The following SERTAD4 variants were observed in gnomAD, a reference collection of about 807,000 sequenced individuals.
SERTAD4 encodes the protein SERTA domain-containing protein 4.
Under a neutral mutation model 32.9 loss-of-function variants are expected in SERTAD4, and 18 were observed. That is an observed-to-expected ratio of 0.55 (90% CI 0.38 to 0.81). The LOEUF (loss-of-function observed/expected upper bound fraction) is 0.81. Ranked by LOEUF, SERTAD4 falls within the 30% of genes least tolerant of loss-of-function variation. SERTAD4 has a pLI of 0.00. For synonymous variants in SERTAD4, 150 were observed against 156.4 expected, an observed-to-expected ratio of 0.96 and a Z score of 0.30; for missense variants, 383 against 426.0, an observed-to-expected ratio of 0.90 and a Z score of 0.89.
chr1:210,238,477 G>A (rs2083965327), intron 2 of SERTAD4, among the ~76,000 whole-genome samples: 1 of 152,218 alleles, frequency 6.6e-6, no homozygotes, highest in East Asian at 1.9e-4. Context: ...TCACAACTAT[G>A]AAAGCTCTGG....
chr1:210,240,691 C>T (rs963100341), intron 3 of SERTAD4, among the ~76,000 whole-genome samples: 1 of 152,216 alleles, frequency 6.6e-6, no homozygotes, highest in Non-Finnish European at 1.5e-5. Context: ...CAGTGTCACA[C>T]AGCTCAGGAG....
chr1:210,242,581 T>C lies in SERTAD4; in HGVS notation c.*244T>C. 2.5e-6 allele frequency: 3 copies of C among 1,222,942 alleles called. No individual in the cohort carries two copies. Among genetic ancestry groups the C allele is most frequent in the Non-Finnish European group, 2.0e-6 (2 of 982,988 alleles). The allele number at this position is 1,222,942 out of a possible 1,614,324, so 75.8% of individuals were successfully genotyped here. A position where few individuals can be genotyped will look rare whatever the true frequency, so the allele number is the denominator to read the frequency against. Reference sequence around the variant, plus strand: ...TGACTTAATGCTTAAAAGTATATCATAGTTTTCTTACGGAAAAGATCAGTA... The same window carrying C: ...TGACTTAATGCTTAAAAGTATATCACAGTTTTCTTACGGAAAAGATCAGTA... On this transcript the variant is annotated 3_prime_UTR_variant, in exon 4 of 4. Transcript: ENST00000367012. This position sits in a 1 kb window ranked among gnomAD's most constrained non-coding sequence, Gnocchi z 4.0.
rs145855776 is a variant in SERTAD4, at chr1:210,241,560, C to T, written c.294C>T (p.Thr98=). The part of the protein sequence containing the change: ...HPPLSSCSHK[T]ISIFEERAHI... ...TTTTTTTTTTTTTTGGTTTGTAGAC[C>T]ATCTCAATTTTTGAGGAACGAGCCC... is the stretch of plus-strand genomic sequence containing the variant. The change falls in exon 4 of 4, where the codon ACC becomes ACT. Residue 98 remains threonine (T), a splice_region_variant and synonymous_variant. Coordinates refer to ENST00000367012, the MANE Select transcript of SERTAD4 (RefSeq NM_019605.5). 129 of 1,505,066 alleles carry T rather than the reference C, an allele frequency of 8.6e-5. 1 individual carries two copies. Among genetic ancestry groups the T allele is most frequent in the Non-Finnish European group, 1.0e-4 (116 of 1,129,914 alleles). The allele number at this position is 1,505,066 out of a possible 1,614,324, so 93.2% of individuals were successfully genotyped here.
chr1:210,243,110 AAAAAAC>A lies in SERTAD4; in HGVS notation c.*774_*779del. The A allele has an allele frequency of 1.0e-6, 1 of 968,566 alleles. No homozygotes were observed. Among genetic ancestry groups the A allele is most frequent in the Non-Finnish European group, 1.2e-6 (1 of 816,528 alleles). 60.0% of individuals were successfully genotyped at this position (968,566 alleles called of 1,614,324 possible). Reference sequence around the variant, plus strand: ...AAACAGGACAAAAAAAAAAAAAAAAAAAAAACCACAGGGTGGATCAATATGGTTTGG... The same window carrying A: ...AAACAGGACAAAAAAAAAAAAAAAAACACAGGGTGGATCAATATGGTTTGG... On this transcript the variant is annotated 3_prime_UTR_variant, in exon 4 of 4. Transcript: ENST00000367012.
chr1:210,246,558 G>T, downstream of SERTAD4: 2 of 985,036 alleles, frequency 2.0e-6, no homozygotes, highest in Non-Finnish European at 2.4e-6. Flanking sequence ...TCCTGTTTCT[G>T]CATTTCCCTT....
intron 1 of SERTAD4, chr1:210,237,545 G>C (rs1012550020): frequency 5.2e-5 from 9 of 172,894 alleles, no homozygotes; most frequent in African/African-American, 1.9e-4. Flanking sequence ...CCGGGGGATT[G>C]ACTAGAAAAT....
At chr1:210,246,470 C>G (rs2084049837), downstream of SERTAD4, 4 of 627,480 alleles carry the variant, frequency 6.4e-6, no homozygotes, top group African/African-American at 2.0e-5. Context: ...GTTATGAACA[C>G]TTGAATCTCG....
intron 1 of SERTAD4, chr1:210,237,579 G>A (rs2083953451): frequency 5.7e-6 from 1 of 174,974 alleles, no homozygotes; most frequent in Non-Finnish European, 1.2e-5. Flanking sequence ...TTAATAGAAA[G>A]GAAGCGCAAG....
Position 210,239,602 on chromosome 1 carries a change from C to A in SERTAD4, c.285C>A (p.Ser95Arg), listed in dbSNP as rs375683993. 1.2e-5 allele frequency: 18 copies of A among 1,561,968 alleles called. No homozygotes were observed. Among genetic ancestry groups the A allele is most frequent in the Non-Finnish European group, 1.5e-5 (17 of 1,139,200 alleles). ...TTCACCCACCACTCAGCAGCTGTAGCCATAAAGTATGTTTTTTTAATAGTC... is the reference window on the plus strand; with the variant it reads ...TTCACCCACCACTCAGCAGCTGTAGACATAAAGTATGTTTTTTTAATAGTC... ...EDFHPPLSSCSHKTISIFEER... is the reference protein window; with the variant it reads ...EDFHPPLSSCRHKTISIFEER... Residue 95 changes from serine to arginine, a missense_variant, in exon 3 of 4, where the codon AGC (serine) becomes AGA (arginine). Transcript: ENST00000367012.
At chr1:210,233,464 T>G (rs1169391131) in intron 1 of SERTAD4, among the ~76,000 whole-genome samples, 1 of 152,134 alleles carries the variant, frequency 6.6e-6, no homozygotes, top group African/African-American at 2.4e-5. Flanking sequence ...CCGCGGCGCT[T>G]GGCAGGTGGG....
At chr1:210,233,687 C>T (rs1302296364) in intron 1 of SERTAD4, 1 of 470,622 alleles carries the variant, frequency 2.1e-6, no homozygotes, top group African/African-American at 2.0e-5. Flanking sequence ...CCGCCTCTCG[C>T]TTCCCTTCCT....
Position 210,243,703 on chromosome 1 carries a change from C to G in SERTAD4, c.*1366C>G, listed in dbSNP as rs1482210202. ...CCATCCTTCCTTCCACTCCAGCCAACTCTTCCTGCTAAACTGTATTCCAGT... is the reference window on the plus strand; with the variant it reads ...CCATCCTTCCTTCCACTCCAGCCAAGTCTTCCTGCTAAACTGTATTCCAGT... On this transcript the variant is annotated 3_prime_UTR_variant, in exon 4 of 4. Coordinates refer to ENST00000367012, the MANE Select transcript of SERTAD4 (RefSeq NM_019605.5). The G allele has an allele frequency of 6.6e-6, 1 of 152,194 alleles. No homozygotes were observed. Among genetic ancestry groups the G allele is most frequent in the African/African-American group, 2.4e-5 (1 of 41,446 alleles). 9.4% of individuals were successfully genotyped at this position (152,194 alleles called of 1,614,324 possible). A position where few individuals can be genotyped will look rare whatever the true frequency, so the allele number is the denominator to read the frequency against.
downstream of SERTAD4, chr1:210,246,370 T>G (rs1424265155): frequency 6.4e-6 from 1 of 156,266 alleles, no homozygotes; most frequent in Non-Finnish European, 1.4e-5. Context: ...GTGAAAGAGT[T>G]ACTAGTTTGG....
At chr1:210,237,065 G>A (rs1298600291) in intron 1 of SERTAD4, among the ~76,000 whole-genome samples, 2 of 152,228 alleles carry the variant, frequency 1.3e-5, no homozygotes, top group Non-Finnish European at 2.9e-5. Flanking sequence ...CTGGAGAGAA[G>A]GGCAGTGATG....
chr1:210,241,785 A>C lies in SERTAD4; in HGVS notation c.519A>C (p.Arg173=). Reference sequence around the variant, plus strand: ...TTATGGCTCAAGACTGCCCTTACCGAAAACGACCACGGATGGCCAAAGAGG... The same window carrying C: ...TTATGGCTCAAGACTGCCCTTACCGCAAACGACCACGGATGGCCAAAGAGG... ...EWFMAQDCPY[R]KRPRMAKEEC... Residue 173 remains arginine (R), a synonymous_variant, in exon 4 of 4, where the codon CGA becomes CGC. Coordinates refer to ENST00000367012, the MANE Select transcript of SERTAD4 (RefSeq NM_019605.5). The C allele has an allele frequency of 1.9e-6, 3 of 1,614,094 alleles. No homozygotes were observed. The highest frequency in any genetic ancestry group is 1.1e-5 in the South Asian group (1 of 91,072).
chr1:210,238,000 A>C lies in SERTAD4; in HGVS notation c.40A>C (p.Ile14Leu), dbSNP rs530112965. The C allele has an allele frequency of 3.1e-6, 5 of 1,612,148 alleles. No homozygotes were observed. The highest frequency in any genetic ancestry group is 4.2e-6 in the Non-Finnish European group (5 of 1,179,624). The change falls in exon 2 of 4, where the codon ATT becomes CTT. Residue 14 changes from isoleucine to leucine, a missense_variant. By Grantham distance (5) the Ile-to-Leu change is conservative. Around this residue, in one of 3 missense-constraint regions of SERTAD4, gnomAD observed 96 missense variants for 76.6 expected, o/e 1.25. Coordinates refer to ENST00000367012, the MANE Select transcript of SERTAD4 (RefSeq NM_019605.5). ...VLSMNRFCEP[I>L]VSEGAAEIAG... ...GTCCATGAATAGATTCTGCGAGCCC[A>C]TTGTCTCGGAAGGAGCTGCTGAAAT...
rs79571799 is a variant in SERTAD4 at position 210,241,414 on chromosome 1, C to T, written c.292-144C>T. The T allele has an allele frequency of 1.5e-4, 120 of 817,070 alleles. 2 individuals are homozygous for T. The South Asian group carries it at 2.3e-3, about 16-fold the overall frequency. 50.6% of individuals were successfully genotyped at this position (817,070 alleles called of 1,614,324 possible). On this transcript the variant is annotated intron_variant, in intron 3 of 3. Coordinates refer to ENST00000367012, the MANE Select transcript of SERTAD4 (RefSeq NM_019605.5). ...GGACAGCCTCTCTAAATTAACCCTG[C>T]GGAACAAGACCACAACATGCCCAGA...
rs1018931387 is a variant in SERTAD4 at position 210,244,419 on chromosome 1, A to T, written c.*2082A>T. 1 of 152,250 alleles carries T rather than the reference A, an allele frequency of 6.6e-6. No homozygotes were observed. The highest frequency in any genetic ancestry group is 2.4e-5 in the African/African-American group (1 of 41,462). 9.4% of individuals were successfully genotyped at this position (152,250 alleles called of 1,614,324 possible). On this transcript the variant is annotated 3_prime_UTR_variant, in exon 4 of 4. Transcript: ENST00000367012. ...AATTGTATAACACGAAGCCATAAAT[A>T]CTGAATCTTAGCTGATTGCATTATG...
intron 1 of SERTAD4, among the ~76,000 whole-genome samples, 152 bp downstream of exon 1, chr1:210,233,163 T>G (rs1442788615): frequency 6.6e-6 from 1 of 151,778 alleles, no homozygotes; most frequent in African/African-American, 2.4e-5. Context: ...GGTCACCGAG[T>G]GGACTCGCAG....
Sources: allele counts gnomAD v4.1 joint callset (sites outside exome capture counted in the v4.1 genomes callset), GRCh38; gene constraint gnomAD v4.1.1; regional missense constraint gnomAD v4.1.1; non-coding constraint Gnocchi (gnomAD v3.1); transcripts MANE v1.5; gene names NCBI Gene and HGNC (gene_info 2026-07-23, HGNC 2026-07-21).